EIF3B: variants seen among roughly 807,000 people sequenced by gnomAD.
The protein encoded by EIF3B is eukaryotic translation initiation factor 3 subunit 9.
Under a neutral mutation model 104.6 loss-of-function variants are expected in EIF3B, and 10 were observed. The observed-to-expected ratio is 0.10, with a 90% CI of 0.06 to 0.16. EIF3B has a LOEUF of 0.16. Ranked by LOEUF, EIF3B falls within the 10% of genes least tolerant of loss-of-function variation. The pLI is 1.00. For synonymous variants in EIF3B, 542 were observed against 417.2 expected (o/e 1.30, Z -3.65); for missense variants, 1,014 against 1,087.9 (o/e 0.93, Z 0.96).
In EIF3B at chr7:2,364,411, A is replaced by T; in HGVS notation, c.1039A>T (p.Thr347Ser). 1 of 1,612,848 alleles carries T rather than the reference A, an allele frequency of 6.2e-7. No homozygotes were observed. Residue 347 changes from threonine to serine, a missense_variant, in exon 6 of 19, where the codon ACC becomes TCC. This residue lies in a region of EIF3B where 201 missense variants were observed against 240.7 expected (regional missense o/e 0.83). Transcript: ENST00000360876. ...GTATGTGCGTTGGTCTCCTAAGGGC[A>T]CCTACCTGGCTACCTTTCATCAAAG... ...ETYVRWSPKG[T>S]YLATFHQRGI...
At position 2,355,167 on chromosome 7, in the gene EIF3B, G is replaced by A; in HGVS notation, c.246G>A (p.Glu82=). The change falls in exon 1 of 19, where the codon GAG becomes GAA. Residue 82 remains glutamate, a synonymous_variant. Coordinates refer to ENST00000360876, the MANE Select transcript of EIF3B (RefSeq NM_001037283.2). The part of the protein sequence containing the change: ...AEAEAASGPS[E]SPSPPAAEEL... ...CAGAGGCGGCCTCCGGCCCGTCCGAGTCGCCCTCGCCGCCGGCCGCCGAGG... is the reference window on the plus strand; with the variant it reads ...CAGAGGCGGCCTCCGGCCCGTCCGAATCGCCCTCGCCGCCGGCCGCCGAGG... 1 of 1,458,462 alleles carries A rather than the reference G, an allele frequency of 6.9e-7. No homozygotes were observed. Among genetic ancestry groups the A allele is most frequent in the Non-Finnish European group, 9.0e-7 (1 of 1,114,888 alleles). The allele number at this position is 1,458,462 out of a possible 1,614,324, so 90.3% of individuals were successfully genotyped here.
At chr7:2,374,907 A>G in intron 13 of EIF3B, 1 of 332,276 alleles carries the variant, frequency 3.0e-6, no homozygotes, top group Non-Finnish European at 5.5e-6. Flanking sequence ...CCATCCAGTA[A>G]CCTCCCCCCG....
chr7:2,369,322 C>A, intron 9 of EIF3B, 150 bp from the exon 10 acceptor site: 1 of 818,034 alleles, frequency 1.2e-6, no homozygotes, highest in Non-Finnish European at 2.0e-6. Context: ...GCGGCATGCC[C>A]AGAGCAGTGG....
intron 15 of EIF3B, 89 bp from the exon 16 acceptor site, chr7:2,378,600 G>A: frequency 8.7e-7 from 1 of 1,145,572 alleles, no homozygotes; most frequent in East Asian, 2.4e-5. Flanking sequence ...AATGGCTTTG[G>A]GTGTCATGTC....
At position 2,379,232 on chromosome 7, in the gene EIF3B, G is replaced by A. The variant is rs142147533; in HGVS notation, c.2331G>A (p.Glu777=). Residue 777 remains glutamate (E), a synonymous_variant, in exon 17 of 19, where the codon GAG becomes GAA. Transcript: ENST00000360876. The stretch of plus-strand genomic sequence containing the variant: ...TGGAGCAGAAAAACGAGCGCCTGGA[G>A]TTGCGAGGAGGTAACTTAGAGATCC... ...LYMEQKNERL[E]LRGGVDTDEL... The A allele has an allele frequency of 1.9e-5, 30 of 1,612,130 alleles. No individual in the cohort carries two copies. In the African/African-American group the frequency reaches 4.0e-4, roughly 22 times the overall value.
chr7:2,362,815 G>C, intron 3 of EIF3B, 51 bp downstream of exon 3: 1 of 1,610,836 alleles, frequency 6.2e-7, no homozygotes, highest in Non-Finnish European at 8.5e-7. Context: ...GCAAGTGACT[G>C]GCTGTGTGCG....
intron 10 of EIF3B, 76 bp downstream of exon 10, chr7:2,369,758 T>G (rs1194902488): frequency 2.1e-6 from 2 of 938,710 alleles, no homozygotes; most frequent in East Asian, 5.5e-5. Context: ...TTGGAGGGTG[T>G]TAATGGATTT....
At chr7:2,374,492 C>T (rs1468443148) in intron 12 of EIF3B, 36 bp from the exon 13 acceptor site, 1 of 1,609,236 alleles carries the variant, frequency 6.2e-7, no homozygotes, top group Non-Finnish European at 8.5e-7. Context: ...TGTGGAAGCC[C>T]TCGCAGCTCG....
chr7:2,374,798 G>A (rs1005494451), intron 13 of EIF3B, 192 bp downstream of exon 13: 8 of 497,130 alleles, frequency 1.6e-5, no homozygotes, highest in Admixed American at 3.3e-5. Flanking sequence ...GGCCAAGCCC[G>A]CACAGAGTGA....
At position 2,355,142 on chromosome 7, in the gene EIF3B, C is replaced by T; in HGVS notation, c.221C>T (p.Ala74Val). Reference protein sequence around the residue: ...SEVRTEPAAEAEAASGPSESP... With the variant: ...SEVRTEPAAEVEAASGPSESP... ...GTGAGGACCGAGCCGGCGGCCGAGG[C>T]AGAGGCGGCCTCCGGCCCGTCCGAG... Residue 74 changes from alanine to valine, a missense_variant, in exon 1 of 19, where the codon GCA (alanine) becomes GTA (valine). Ala to Val is a moderately conservative substitution (Grantham distance 64). Transcript: ENST00000360876. 2 of 1,420,342 alleles carry T rather than the reference C, an allele frequency of 1.4e-6. No homozygotes were observed. Among genetic ancestry groups the T allele is most frequent in the South Asian group, 1.5e-5 (1 of 68,820 alleles). 88.0% of individuals were successfully genotyped at this position (1,420,342 alleles called of 1,614,324 possible). A position where few individuals can be genotyped will look rare whatever the true frequency, so the allele number is the denominator to read the frequency against.
intron 1 of EIF3B, among the ~76,000 whole-genome samples, chr7:2,356,898 A>T (rs1779476914): frequency 6.6e-6 from 1 of 152,158 alleles, no homozygotes; most frequent in Non-Finnish European, 1.5e-5. Flanking sequence ...AGCAGGAAGG[A>T]CACCACAAAC....
intron 9 of EIF3B, 83 bp downstream of exon 9, chr7:2,367,128 C>T: frequency 8.0e-7 from 1 of 1,253,698 alleles, no homozygotes; most frequent in East Asian, 2.4e-5. Flanking sequence ...AACACAATAC[C>T]ATAGGCTGGG....
At chr7:2,359,520 G>A (rs1729720452) in intron 1 of EIF3B, among the ~76,000 whole-genome samples, 1 of 152,202 alleles carries the variant, frequency 6.6e-6, no homozygotes, top group Admixed American at 6.5e-5. Context: ...GGGAGGCTCT[G>A]CGCTTCTCCT....
chr7:2,366,053 C>A lies in EIF3B; in HGVS notation c.1158-264C>A, dbSNP rs1295279862. Among the ~76,000 whole-genome samples, 4 of 152,320 alleles carry A rather than the reference C, an allele frequency of 2.6e-5. 1 individual carries two copies. The South Asian group carries it at 8.3e-4, about 32-fold the overall frequency. On this transcript the variant is annotated intron_variant, in intron 6 of 18. Coordinates refer to ENST00000360876, the MANE Select transcript of EIF3B (RefSeq NM_001037283.2). ...ATAGAGTTCCACACTGCGCCACCCTCTGGATCACTTAGCAGCCTTGTGTGG... is the reference window on the plus strand; with the variant it reads ...ATAGAGTTCCACACTGCGCCACCCTATGGATCACTTAGCAGCCTTGTGTGG...
chr7:2,371,635 G>T, intron 10 of EIF3B, 142 bp from the exon 11 acceptor site: 1 of 684,356 alleles, frequency 1.5e-6, no homozygotes, highest in Non-Finnish European at 2.6e-6. Flanking sequence ...CCTGAGGGCT[G>T]TGGCTTTCAT....
chr7:2,356,430 T>A (rs1282155644), intron 1 of EIF3B, among the ~76,000 whole-genome samples: 2 of 151,358 alleles, frequency 1.3e-5, no homozygotes, highest in African/African-American at 4.9e-5. Flanking sequence ...TGAAACCCCG[T>A]CTCTACTAAA....
At chr7:2,378,666 G>A (rs2115343973) in intron 15 of EIF3B, 23 bp from the exon 16 acceptor site, 1 of 1,603,760 alleles carries the variant, frequency 6.2e-7, no homozygotes, top group Admixed American at 1.7e-5. Context: ...GTTAAATCCT[G>A]AGTGATGGGT....
rs771302842 is a variant in EIF3B, at chr7:2,366,459, C to T, written c.1289+11C>T. On this transcript the variant is annotated intron_variant, in intron 7 of 18. Transcript: ENST00000360876. ...TTGGCCTATTTTTAAGTAAGTGGAC[C>T]ATTGTAACGAGCTCTGTAGCCTTTG... 9.3e-6 allele frequency: 15 copies of T among 1,613,800 alleles called. No homozygotes were observed. Among genetic ancestry groups the T allele is most frequent in the Middle Eastern group, 1.6e-4 (1 of 6,084 alleles).
chr7:2,376,755 G>A (rs1292487955), intron 14 of EIF3B, 195 bp from the exon 15 acceptor site: 12 of 681,600 alleles, frequency 1.8e-5, no homozygotes, highest in South Asian at 6.4e-5. Context: ...TCCGTGCCCC[G>A]CACTCCGGGT....
Sources: allele counts gnomAD v4.1 joint callset (sites outside exome capture counted in the v4.1 genomes callset), GRCh38; gene constraint gnomAD v4.1.1; regional missense constraint gnomAD v4.1.1; transcripts MANE v1.5; gene names NCBI Gene and HGNC (gene_info 2026-07-23, HGNC 2026-07-21).